Variants in SCLT1 observed in about 807,000 individuals in gnomAD.
SCLT1 encodes the protein sodium channel-associated protein 1.
A neutral mutation model predicts 112.8 loss-of-function variants in SCLT1; 78 were observed. That is an observed-to-expected ratio of 0.69 (90% CI 0.58 to 0.83). The LOEUF (loss-of-function observed/expected upper bound fraction) is 0.83, where lower values mean the gene tolerates loss of function less well. Among genes scored for constraint, SCLT1 ranks in the 40% least tolerant of loss-of-function variants. SCLT1 has a pLI of 0.00. For synonymous variants in SCLT1, 257 were observed against 254.7 expected (o/e 1.01, Z -0.09); for missense variants, 747 against 770.4 (o/e 0.97, Z 0.36).
chr4:128,875,584 G>A (rs141246423), intron 4 of SCLT1, among the ~76,000 whole-genome samples: 4 of 152,290 alleles, frequency 2.6e-5, no homozygotes, highest in Non-Finnish European at 4.4e-5. Flanking sequence ...TCACTTAACC[G>A]TTTTAAGCCT....
chr4:129,014,253 T>C (rs758194143), intron 5 of SCLT1, among the ~76,000 whole-genome samples: 2 of 152,218 alleles, frequency 1.3e-5, no homozygotes, highest in Non-Finnish European at 2.9e-5. Context: ...GGTTTCAACA[T>C]ACTCCTGTAG....
rs147552710 is a variant in SCLT1, at chr4:128,967,360, C to T, written c.778-2042G>A. ...GATAGTAGAATGATTTATACTACTT[C>T]GTTATATACCCAGTAATGGGATTGC... is the stretch of plus-strand genomic sequence containing the variant. On this transcript the variant is annotated intron_variant, in intron 10 of 20. Coordinates refer to ENST00000281142, the MANE Select transcript of SCLT1 (RefSeq NM_144643.4). Among the ~76,000 whole-genome samples, 57 of 152,252 alleles carry T rather than the reference C, an allele frequency of 3.7e-4. No homozygotes were observed. The East Asian group carries it at 0.01, about 27-fold the overall frequency.
intron 2 of SCLT1, among the ~76,000 whole-genome samples, chr4:129,066,901 T>G (rs1229504030): frequency 6.6e-6 from 1 of 152,040 alleles, no homozygotes; most frequent in Admixed American, 6.6e-5. Context: ...AGGATAGTAA[T>G]TACCACTGGG....
chr4:128,964,118 G>A (rs923774794), intron 11 of SCLT1, among the ~76,000 whole-genome samples: 1 of 152,088 alleles, frequency 6.6e-6, no homozygotes, highest in African/African-American at 2.4e-5. Flanking sequence ...AGTACTGCAT[G>A]GACCATTCTG....
chr4:128,929,371 AT>A (rs1736572448), intron 18 of SCLT1, among the ~76,000 whole-genome samples: 1 of 152,192 alleles, frequency 6.6e-6, no homozygotes, highest in South Asian at 2.1e-4. Flanking sequence ...AAAAATTTTA[AT>A]TATGTTGCTT....
intron 2 of SCLT1, among the ~76,000 whole-genome samples, chr4:129,051,267 T>C (rs1039293805): frequency 2.0e-5 from 3 of 152,160 alleles, no homozygotes. Flanking sequence ...GTTTAGACAG[T>C]CAATGGTAGC....
At chr4:128,882,785 C>A (rs887127327), downstream of SCLT1, among the ~76,000 whole-genome samples, 1 of 152,116 alleles carries the variant, frequency 6.6e-6, no homozygotes, top group Non-Finnish European at 1.5e-5. Context: ...GGGGATCTTA[C>A]TGAGGCTAGG....
chr4:129,088,049 T>G (rs1752549102), intron 1 of SCLT1, among the ~76,000 whole-genome samples: 1 of 151,186 alleles, frequency 6.6e-6, no homozygotes, highest in Non-Finnish European at 1.5e-5. Context: ...ATTGTGCCAC[T>G]GCACTCCAGC....
intron 13 of SCLT1, among the ~76,000 whole-genome samples, chr4:128,956,798 A>C (rs1297818094): frequency 6.6e-6 from 1 of 152,116 alleles, no homozygotes; most frequent in Non-Finnish European, 1.5e-5. Flanking sequence ...TATCCAGTGG[A>C]GGGCTATACA....
chr4:128,996,676 G>A (rs1291408790), intron 8 of SCLT1, among the ~76,000 whole-genome samples: 2 of 151,922 alleles, frequency 1.3e-5, no homozygotes, highest in African/African-American at 4.8e-5. Context: ...CACCTATATA[G>A]TCTTTTCTAT....
intron 18 of SCLT1, among the ~76,000 whole-genome samples, chr4:128,897,509 G>T (rs1305855248): frequency 6.9e-6 from 1 of 144,706 alleles, no homozygotes; most frequent in Non-Finnish European, 1.5e-5. Context: ...GCCTAAAAGA[G>T]CTCCTGAAGG....
chr4:128,904,781 G>C (rs973360077), intron 18 of SCLT1, among the ~76,000 whole-genome samples: 3 of 152,104 alleles, frequency 2.0e-5, no homozygotes, highest in African/African-American at 7.2e-5. Flanking sequence ...GTTAGCAAAT[G>C]CAAAGATTGT....
chr4:129,040,025 G>C, intron 4 of SCLT1: 2 of 590,324 alleles, frequency 3.4e-6, no homozygotes, highest in Non-Finnish European at 6.1e-6. Context: ...TGCTTCCTAA[G>C]CTAAAGGAGA....
At chr4:128,970,555 C>A (rs1446323435) in intron 9 of SCLT1, 87 bp from the exon 10 acceptor site, 4 of 751,402 alleles carry the variant, frequency 5.3e-6, no homozygotes, top group Admixed American at 4.6e-5. Flanking sequence ...TTGGTAAAAT[C>A]AGTTCTAACT....
At chr4:129,078,827 G>A (rs1751687658) in intron 2 of SCLT1, among the ~76,000 whole-genome samples, 1 of 152,058 alleles carries the variant, frequency 6.6e-6, no homozygotes, top group Non-Finnish European at 1.5e-5. Flanking sequence ...CATAAGACTG[G>A]GTGATTTATC....
chr4:129,058,277 T>C (rs1749630753), intron 2 of SCLT1, among the ~76,000 whole-genome samples: 1 of 152,200 alleles, frequency 6.6e-6, no homozygotes, highest in Non-Finnish European at 1.5e-5. Context: ...TTGTGTTTGA[T>C]TTGTTCTTGC....
chr4:129,013,311 A>T (rs991140504), intron 5 of SCLT1, among the ~76,000 whole-genome samples: 11 of 152,204 alleles, frequency 7.2e-5, no homozygotes, highest in African/African-American at 2.7e-4. Context: ...GCCCATTTAC[A>T]TTCAAGGTTG....
At chr4:128,999,569 C>A in intron 7 of SCLT1, 103 bp downstream of exon 7, 1 of 669,438 alleles carries the variant, frequency 1.5e-6, no homozygotes, top group Non-Finnish European at 2.4e-6. Flanking sequence ...ATTAGAAATT[C>A]TAAATGCTAT....
At chr4:129,043,813 T>G (rs1016270250) in intron 3 of SCLT1, among the ~76,000 whole-genome samples, 180 bp downstream of exon 3, 8 of 152,192 alleles carry the variant, frequency 5.3e-5, no homozygotes, top group Non-Finnish European at 1.2e-4. Context: ...GGGGTAAAGT[T>G]GCTCCTGTCT....
Sources: allele counts gnomAD v4.1 joint callset (sites outside exome capture counted in the v4.1 genomes callset), GRCh38; gene constraint gnomAD v4.1.1; transcripts MANE v1.5; gene names NCBI Gene and HGNC (gene_info 2026-07-23, HGNC 2026-07-21).